Variants in PTPN13 observed in about 807,000 individuals in gnomAD.
PTPN13 encodes the protein tyrosine-protein phosphatase non-receptor type 13.
PTPN13 carries 191 observed loss-of-function variants against 284.0 expected under a neutral mutation model. That is an observed-to-expected ratio of 0.67 (90% CI 0.60 to 0.76). The LOEUF (loss-of-function observed/expected upper bound fraction) is 0.76. Among genes scored for constraint, PTPN13 ranks in the 30% least tolerant of loss-of-function variants. The pLI, the probability that PTPN13 is intolerant of heterozygous loss-of-function variation, is 0.00. For synonymous variants in PTPN13, 986 were observed against 1,022.3 expected, an observed-to-expected ratio of 0.96 and a Z score of 0.68; for missense variants, 2,797 against 2,939.9, an observed-to-expected ratio of 0.95 and a Z score of 1.12.
At chr4:86,783,650 A>T (rs958998920) in intron 37 of PTPN13, among the ~76,000 whole-genome samples, 8 of 152,120 alleles carry the variant, frequency 5.3e-5, no homozygotes, top group African/African-American at 1.9e-4. Context: ...TTATATTACC[A>T]CTATTTATTT....
At chr4:86,640,158 C>A (rs533418858) in intron 2 of PTPN13, among the ~76,000 whole-genome samples, 30 of 152,212 alleles carry the variant, frequency 2.0e-4, no homozygotes, top group Non-Finnish European at 3.8e-4. Context: ...GCCCACACAT[C>A]AGTGCTATAA....
intron 1 of PTPN13, among the ~76,000 whole-genome samples, chr4:86,597,395 A>C (rs1763910080): frequency 6.6e-6 from 1 of 151,882 alleles, no homozygotes; most frequent in African/African-American, 2.4e-5. Context: ...ACAACACCAC[A>C]CCTAGCTAAT....
At chr4:86,611,981 G>A (rs1368443055) in intron 1 of PTPN13, among the ~76,000 whole-genome samples, 1 of 152,204 alleles carries the variant, frequency 6.6e-6, no homozygotes, top group Non-Finnish European at 1.5e-5. Flanking sequence ...CACAAACTGG[G>A]CTGCAAATGC....
chr4:86,641,263 T>C (rs1310573013), intron 2 of PTPN13, among the ~76,000 whole-genome samples: 2 of 152,016 alleles, frequency 1.3e-5, no homozygotes, highest in Non-Finnish European at 2.9e-5. Flanking sequence ...GGGGGGAAAA[T>C]AGCAGGTAAA....
chr4:86,740,229 A>G (rs898922616), intron 15 of PTPN13, among the ~76,000 whole-genome samples: 1 of 152,040 alleles, frequency 6.6e-6, no homozygotes, highest in Non-Finnish European at 1.5e-5. Context: ...TCCCTTCCCT[A>G]CTGCCCTATC....
chr4:86,814,153 C>T (rs374139992), intron 47 of PTPN13, among the ~76,000 whole-genome samples: 3 of 151,340 alleles, frequency 2.0e-5, no homozygotes, highest in East Asian at 2.0e-4. Context: ...ACTACAGGCG[C>T]GTGCCACGAC....
chr4:86,670,399 C>T (rs1727606305), intron 2 of PTPN13, among the ~76,000 whole-genome samples: 2 of 151,528 alleles, frequency 1.3e-5, no homozygotes, highest in Admixed American at 1.3e-4. Flanking sequence ...CAGCAGCCTG[C>T]ACTATTTTAG....
chr4:86,759,189 A>ATC, intron 23 of PTPN13, 116 bp downstream of exon 23: 1 of 1,040,704 alleles, frequency 9.6e-7, no homozygotes, highest in Non-Finnish European at 1.4e-6. Context: ...AACTTAAGTA[A>ATC]ACTGTGATTA....
intron 44 of PTPN13, among the ~76,000 whole-genome samples, chr4:86,806,828 A>G (rs936717750): frequency 6.6e-6 from 1 of 152,236 alleles, no homozygotes; most frequent in African/African-American, 2.4e-5. Flanking sequence ...TATGTAATAC[A>G]TATAAATTTA....
chr4:86,778,540 C>T (rs1740909987), intron 35 of PTPN13, among the ~76,000 whole-genome samples: 1 of 152,196 alleles, frequency 6.6e-6, no homozygotes, highest in South Asian at 2.1e-4. Flanking sequence ...TCAACTTACA[C>T]TTGGTTACTC....
chr4:86,728,643 CTTTTTTTT>C (rs57773658), intron 10 of PTPN13, among the ~76,000 whole-genome samples: 2 of 24,504 alleles, frequency 8.2e-5, no homozygotes, highest in African/African-American at 3.0e-4. Flanking sequence ...CAACCCCTGC[CTTTTTTTT>C]TTTTTTTTTT....
chr4:86,765,822 T>A (rs1739239330), intron 26 of PTPN13, among the ~76,000 whole-genome samples: 1 of 151,972 alleles, frequency 6.6e-6, no homozygotes, highest in Non-Finnish European at 1.5e-5. Flanking sequence ...ACACTTGTTT[T>A]TTTTGTTGTT....
intron 1 of PTPN13, among the ~76,000 whole-genome samples, chr4:86,607,263 T>G (rs1195077832): frequency 6.6e-6 from 1 of 151,932 alleles, no homozygotes; most frequent in African/African-American, 2.4e-5. Flanking sequence ...GAAAATATTT[T>G]AAAAGATATC....
chr4:86,672,528 C>T lies in PTPN13; in HGVS notation c.279C>T (p.Leu93=). Reference sequence around the variant, plus strand: ...TTCAAAATCAGTCACTAACTTCTCTCTCAGATGTTGAAAAGGTAACTGTTA... The same window carrying T: ...TTCAAAATCAGTCACTAACTTCTCTTTCAGATGTTGAAAAGGTAACTGTTA... The part of the protein sequence containing the change: ...EVLQNQSLTS[L]SDVEKIHIYS... Residue 93 remains leucine, a synonymous_variant, in exon 3 of 48, where the codon CTC becomes CTT. Coordinates refer to ENST00000411767, the MANE Select transcript of PTPN13 (RefSeq NM_080683.3). 6.2e-7 allele frequency: 1 copy of T among 1,604,502 alleles called. No homozygotes were observed. The highest frequency in any genetic ancestry group is 1.1e-5 in the South Asian group (1 of 89,072).
At chr4:86,655,954 T>G (rs867234329) in intron 2 of PTPN13, among the ~76,000 whole-genome samples, 5 of 152,334 alleles carry the variant, frequency 3.3e-5, no homozygotes, top group Non-Finnish European at 7.3e-5. Flanking sequence ...TTTACTCTTT[T>G]TTCTCTAAAC....
chr4:86,761,596 C>T (rs1738706949), intron 23 of PTPN13, among the ~76,000 whole-genome samples: 2 of 152,172 alleles, frequency 1.3e-5, no homozygotes, highest in Admixed American at 1.3e-4. Flanking sequence ...AATTATCAGT[C>T]ATTCTCATTT....
chr4:86,791,402 G>T (rs188930029), intron 40 of PTPN13, among the ~76,000 whole-genome samples: 3 of 152,306 alleles, frequency 2.0e-5, no homozygotes, highest in East Asian at 3.9e-4. Flanking sequence ...TGCCTCTCTA[G>T]ATTCCACCTC....
chr4:86,803,975 C>A, intron 43 of PTPN13, 118 bp downstream of exon 43: 2 of 1,082,628 alleles, frequency 1.8e-6, no homozygotes, highest in Middle Eastern at 2.3e-4. Flanking sequence ...ACTCTAAAAG[C>A]ACCACCTTAT....
intron 2 of PTPN13, among the ~76,000 whole-genome samples, chr4:86,654,467 AG>A (rs1471512811): frequency 5.9e-5 from 9 of 152,208 alleles, no homozygotes; most frequent in African/African-American, 2.2e-4. Context: ...TTGGTTTCAA[AG>A]AACATCTTTA....
Sources: allele counts gnomAD v4.1 joint callset (sites outside exome capture counted in the v4.1 genomes callset), GRCh38; gene constraint gnomAD v4.1.1; transcripts MANE v1.5; gene names NCBI Gene and HGNC (gene_info 2026-07-23, HGNC 2026-07-21).